LPA: variants seen among roughly 807,000 people sequenced by gnomAD.
The protein encoded by LPA is apolipoprotein(a).
Under a neutral mutation model 197.9 loss-of-function variants are expected in LPA, and 199 were observed. The observed-to-expected ratio is 1.01, with a 90% confidence interval of 0.90 to 1.13. The LOEUF (loss-of-function observed/expected upper bound fraction) is 1.13, where lower values mean the gene tolerates loss of function less well. LPA is among the 50% of genes most tolerant of loss of function. LPA has a pLI of 0.00. For missense variants in LPA, 1,853 were observed against 1,785.8 expected, an observed-to-expected ratio of 1.04 and a Z score of -0.68; for synonymous variants, 715 against 639.5, an observed-to-expected ratio of 1.12 and a Z score of -1.78.
intron 28 of LPA, among the ~76,000 whole-genome samples, chr6:160,576,688 G>GCA (rs1778688696): frequency 1.7e-5 from 1 of 57,944 alleles, no homozygotes; most frequent in African/African-American, 5.8e-5. Flanking sequence ...GTGTGTGTGT[G>GCA]TGTATATATA....
chr6:160,606,477 C>G lies in LPA; in HGVS notation c.2785G>C (p.Ala929Pro). 1 of 1,613,382 alleles carries G rather than the reference C, an allele frequency of 6.2e-7. No individual in the cohort carries two copies. The highest frequency in any genetic ancestry group is 8.5e-7 in the Non-Finnish European group (1 of 1,179,790). ...IPSLEAPSEQ[A>P]PTEQRPGVQE... ...AGGTTTCTGGCCACAGGCTCCTTACCTTGTTCAGAAGGAGCCTCTAGGCTT... is the reference window on the plus strand; with the variant it reads ...AGGTTTCTGGCCACAGGCTCCTTACGTTGTTCAGAAGGAGCCTCTAGGCTT... The change falls in exon 17 of 39, where the codon GCA (alanine) becomes CCA (proline). Residue 929 changes from alanine (A) to proline (P), a missense_variant and splice_region_variant. By Grantham distance (27) the Ala-to-Pro change is conservative. Transcript: ENST00000316300.
At chr6:160,635,726 G>A (rs1347932170) in intron 6 of LPA, among the ~76,000 whole-genome samples, 78 of 103,754 alleles carry the variant, frequency 7.5e-4, no homozygotes, top group African/African-American at 2.8e-3. Context: ...ATCTCTCTCG[G>A]TAGGACTTCA....
At chr6:160,662,703 A>C (rs985625850) in intron 1 of LPA, among the ~76,000 whole-genome samples, 1 of 152,194 alleles carries the variant, frequency 6.6e-6, no homozygotes, top group Non-Finnish European at 1.5e-5. Flanking sequence ...CTCTTTGCTT[A>C]ATCTTCTCCT....
In LPA at chr6:160,657,644, G is replaced by A. The variant is rs552120816; in HGVS notation, c.49+6522C>T. 8.6e-4 allele frequency among the ~76,000 whole-genome samples: 131 copies of A among 151,996 alleles called. 1 individual carries two copies. The highest frequency in any genetic ancestry group is 1.9e-3 in the African/African-American group (77 of 41,460). On this transcript the variant is annotated intron_variant, in intron 1 of 38. Coordinates refer to ENST00000316300, the MANE Select transcript of LPA (RefSeq NM_005577.4). ...AATCTCCTGATCTCGTGATCTGCCC[G>A]CCCCCGCCTCCCAAGGTGCTGGGAT...
intron 25 of LPA, among the ~76,000 whole-genome samples, chr6:160,585,795 C>T (rs1219768943): frequency 6.6e-6 from 1 of 151,996 alleles, no homozygotes; most frequent in Non-Finnish European, 1.5e-5. Flanking sequence ...CAGGATCCCT[C>T]ATTACAAGAA....
intron 20 of LPA, among the ~76,000 whole-genome samples, chr6:160,596,165 A>G (rs1457612485): frequency 1.3e-5 from 2 of 152,222 alleles, no homozygotes; most frequent in Non-Finnish European, 2.9e-5. Flanking sequence ...CAGAACTGGA[A>G]GATGCTATAG....
chr6:160,547,880 C>T lies in LPA; in HGVS notation c.5213G>A (p.Gly1738Glu). ...YRGKKATTVT[G>E]TPCQEWAAQE... ...GGCAGCCCATTCCTGGCATGGCGTC[C>T]CAGTAACAGTGGTTGCCTTCTTGCC... Residue 1738 changes from glycine to glutamate, a missense_variant, in exon 32 of 39, where the codon GGG becomes GAG. This residue lies in a region of LPA where 1,737 missense variants were observed against 1,504.4 expected (regional missense o/e 1.15). Transcript: ENST00000316300. 2 of 1,614,052 alleles carry T rather than the reference C, an allele frequency of 1.2e-6. No homozygotes were observed. The highest frequency in any genetic ancestry group is 8.5e-7 in the Non-Finnish European group (1 of 1,180,000).
At chr6:160,597,874 T>G (rs1357878181) in intron 20 of LPA, among the ~76,000 whole-genome samples, 1 of 152,236 alleles carries the variant, frequency 6.6e-6, no homozygotes, top group Non-Finnish European at 1.5e-5. Context: ...CTGTGGATAT[T>G]GCATAGCTCA....
At chr6:160,607,323 C>T (rs1779377037) in intron 16 of LPA, among the ~76,000 whole-genome samples, 1 of 152,090 alleles carries the variant, frequency 6.6e-6, no homozygotes, top group Non-Finnish European at 1.5e-5. Flanking sequence ...AAACTTGCTC[C>T]CAGGCAGAAT....
chr6:160,595,407 A>G lies in LPA; in HGVS notation c.3416T>C (p.Leu1139Pro), dbSNP rs1779111854. 1.9e-6 allele frequency: 3 copies of G among 1,613,784 alleles called. No individual in the cohort carries two copies. Among genetic ancestry groups the G allele is most frequent in the Non-Finnish European group, 1.7e-6 (2 of 1,179,908 alleles). The stretch of plus-strand genomic sequence containing the variant: ...ATCTGGGACCACCGTGAGAGTTGCA[A>G]GGACACTTGATTCTGTCACCAGGCA... ...TQCLVTESSV[L>P]ATLTVVPDPS... is the part of the protein sequence containing the mutation. The change falls in exon 21 of 39, where the codon CTT becomes CCT. Residue 1139 changes from leucine to proline, a missense_variant. Leu to Pro is a moderately conservative substitution (Grantham distance 98, BLOSUM62 -3). Around this residue, in one of 3 missense-constraint regions of LPA, gnomAD observed 1,737 missense variants for 1,504.4 expected, o/e 1.15. Coordinates refer to ENST00000316300, the MANE Select transcript of LPA (RefSeq NM_005577.4).
intron 16 of LPA, among the ~76,000 whole-genome samples, chr6:160,611,107 C>A (rs752651085): frequency 6.6e-6 from 1 of 152,070 alleles, no homozygotes; most frequent in Non-Finnish European, 1.5e-5. Flanking sequence ...TATTGGAATA[C>A]AGGTAGAAAT....
chr6:160,591,125 T>A (rs1482130920), intron 22 of LPA, 24 bp from the exon 23 acceptor site: 2 of 1,612,566 alleles, frequency 1.2e-6, no homozygotes, highest in African/African-American at 2.7e-5. Context: ...AACAATACAG[T>A]TCACCAGAGA....
intron 37 of LPA, among the ~76,000 whole-genome samples, chr6:160,533,918 A>G (rs900893029): frequency 6.6e-6 from 1 of 152,224 alleles, no homozygotes; most frequent in African/African-American, 2.4e-5. Context: ...CCAGATGGAC[A>G]TGCCCAGGGA....
At chr6:160,533,022 T>G (rs1777830872) in intron 37 of LPA, among the ~76,000 whole-genome samples, 1 of 152,208 alleles carries the variant, frequency 6.6e-6, no homozygotes, top group South Asian at 2.1e-4. Flanking sequence ...TCTTTTACTA[T>G]TACATCATAA....
At chr6:160,610,064 A>C (rs1224030803) in intron 16 of LPA, among the ~76,000 whole-genome samples, 1 of 152,132 alleles carries the variant, frequency 6.6e-6, no homozygotes, top group African/African-American at 2.4e-5. Context: ...CAGTTATCAT[A>C]CTGATATGTC....
Position 160,557,322 on chromosome 6 carries a change from A to T in LPA, c.4813+68T>A, listed in dbSNP as rs1207021124. 6 of 1,553,046 alleles carry T rather than the reference A, an allele frequency of 3.9e-6. No homozygotes were observed. The South Asian group carries it at 6.7e-5, about 17-fold the overall frequency. ...GTGTAGCATGGAAGGCTTCTGCATCAGTCAGATTTTCCATCTCTTTTCATC... is the reference window on the plus strand; with the variant it reads ...GTGTAGCATGGAAGGCTTCTGCATCTGTCAGATTTTCCATCTCTTTTCATC... On this transcript the variant is annotated intron_variant, in intron 29 of 38. Transcript: ENST00000316300.
intron 28 of LPA, among the ~76,000 whole-genome samples, chr6:160,573,946 G>A (rs547082766): frequency 2.2e-4 from 33 of 152,178 alleles, no homozygotes; most frequent in African/African-American, 7.7e-4. Flanking sequence ...GAGGTGGGTG[G>A]GCCCTAGAAC....
rs763492052 is a variant in LPA at position 160,599,487 on chromosome 6, A to T, written c.3287+13T>A. The T allele has an allele frequency of 3.1e-6, 5 of 1,613,166 alleles. No individual in the cohort carries two copies. Among genetic ancestry groups the T allele is most frequent in the Non-Finnish European group, 4.2e-6 (5 of 1,179,832 alleles). ...GGCCCTTCCTTCGCTTATGGTAAAG[A>T]ACAAAGACGTACGCATTTGGGTAGT... On this transcript the variant is annotated intron_variant, in intron 20 of 38. Coordinates refer to ENST00000316300, the MANE Select transcript of LPA (RefSeq NM_005577.4).
intron 23 of LPA, 35 bp downstream of exon 23, chr6:160,590,909 C>G (rs573764030): frequency 1.2e-6 from 2 of 1,613,690 alleles, no homozygotes; most frequent in South Asian, 2.2e-5. Flanking sequence ...ATCCCAACGT[C>G]CAAGGGTGTG....
Sources: gnomAD v4.1 joint callset for allele counts (sites outside exome capture counted in the v4.1 genomes callset) on GRCh38, gnomAD v4.1.1 for gene constraint, gnomAD v4.1.1 regional missense constraint, MANE v1.5 for transcripts, NCBI Gene and HGNC (gene_info 2026-07-23, HGNC 2026-07-21) for gene names.